Variants in TRPM3 observed in about 807,000 individuals in gnomAD.
The protein encoded by TRPM3 is transient receptor potential cation channel subfamily M member 3.
In TRPM3, 77 loss-of-function variants were observed where a neutral mutation model predicts 181.2. That is an observed-to-expected ratio of 0.42 (90% CI 0.35 to 0.51). The LOEUF is 0.51. TRPM3 is among the 20% of genes least tolerant of loss of function. The probability of loss-of-function intolerance (pLI) is 0.01; values close to 1 mark genes in which losing one functional copy is unlikely to be tolerated. For synonymous variants in TRPM3, 745 were observed against 796.4 expected (o/e 0.94, Z 1.09); for missense variants, 1,759 against 2,196.7 (o/e 0.80, Z 3.98).
intron 6 of TRPM3, among the ~76,000 whole-genome samples, chr9:70,799,041 T>C (rs1362275053): frequency 2.6e-5 from 4 of 152,230 alleles, no homozygotes; most frequent in African/African-American, 9.6e-5. Flanking sequence ...CCTCATTGTT[T>C]CTCAGAATTG....
intron 1 of TRPM3, among the ~76,000 whole-genome samples, chr9:71,275,622 G>A (rs1000740230): frequency 6.6e-5 from 10 of 152,118 alleles, no homozygotes; most frequent in African/African-American, 2.4e-4. Context: ...TAATTAATTA[G>A]AGGAATAATG....
intron 1 of TRPM3, among the ~76,000 whole-genome samples, chr9:70,980,067 GCACACA>G (rs10527749): frequency 2.9e-5 from 4 of 137,976 alleles, no homozygotes; most frequent in East Asian, 2.1e-4. Context: ...GCATGTGCGT[GCACACA>G]CACACACACA....
chr9:71,268,401 A>T (rs10781007), intron 1 of TRPM3, among the ~76,000 whole-genome samples: 37,599 of 151,866 alleles, frequency 0.25, 5,119 homozygotes, highest in Middle Eastern at 0.45. Flanking sequence ...ATAATAATAA[A>T]AAACTTGTAT....
intron 22 of TRPM3, among the ~76,000 whole-genome samples, chr9:70,572,124 G>T (rs1309681583): frequency 6.6e-6 from 1 of 151,974 alleles, no homozygotes; most frequent in Non-Finnish European, 1.5e-5. Context: ...TTGTGTGTGT[G>T]TGTGTGTGTG....
At chr9:70,566,704 T>C (rs2095280234) in intron 22 of TRPM3, among the ~76,000 whole-genome samples, 1 of 152,178 alleles carries the variant, frequency 6.6e-6, no homozygotes, top group Non-Finnish European at 1.5e-5. Flanking sequence ...GGAATGGCCC[T>C]GCTGTACCTA....
intron 1 of TRPM3, among the ~76,000 whole-genome samples, chr9:71,229,957 A>G (rs895107141): frequency 6.6e-6 from 1 of 152,034 alleles, no homozygotes; most frequent in African/African-American, 2.4e-5. Context: ...GAAAGGAAAT[A>G]AAAGAGATAG....
chr9:70,841,667 C>CATATATATAT (rs2094670226), intron 5 of TRPM3, among the ~76,000 whole-genome samples: 1 of 88,620 alleles, frequency 1.1e-5, no homozygotes, highest in African/African-American at 4.4e-5. Flanking sequence ...TATATCCCAC[C>CATATATATAT]ATATATATGT....
At chr9:71,423,529 T>C (rs899695026) in intron 1 of TRPM3, among the ~76,000 whole-genome samples, 5 of 152,102 alleles carry the variant, frequency 3.3e-5, no homozygotes, top group Non-Finnish European at 7.4e-5. Context: ...CCTGGCACCA[T>C]GAAAGCAGTT....
At position 70,843,072 on chromosome 9, in the gene TRPM3, T is replaced by C; in HGVS notation, c.732A>G (p.Gly244=). 6.2e-7 allele frequency: 1 copy of C among 1,613,634 alleles called. No individual in the cohort carries two copies. The highest frequency in any genetic ancestry group is 1.1e-5 in the South Asian group (1 of 91,028). The change falls in exon 5 of 26, where the codon GGA becomes GGG. Residue 244 remains glycine (G), a synonymous_variant. Coordinates refer to ENST00000677713, the MANE Select transcript of TRPM3 (RefSeq NM_001366145.2). ...GGGCAATACCTATGGTGCATATCTTTCCTCGAGACTTAGAGGCATGATCCT... is the reference window on the plus strand; with the variant it reads ...GGGCAATACCTATGGTGCATATCTTCCCTCGAGACTTAGAGGCATGATCCT... ...ALKDHASKSR[G]KICTIGIAPW...
intron 6 of TRPM3, among the ~76,000 whole-genome samples, chr9:70,816,519 T>C (rs183492654): frequency 4.5e-4 from 68 of 152,290 alleles, no homozygotes; most frequent in African/African-American, 1.5e-3. Flanking sequence ...ACCTTTTTTT[T>C]CCAGGATAGA....
rs539143539 is a variant in TRPM3, at chr9:70,816,904, A to G, written c.973+10943T>C. On this transcript the variant is annotated intron_variant, in intron 6 of 25. Coordinates refer to ENST00000677713, the MANE Select transcript of TRPM3 (RefSeq NM_001366145.2). Reference sequence around the variant, plus strand: ...TTGTCTTAATCTGATTTCCACAGCTAGTGCAAGACTTATCACTAAGAAGCT... The same window carrying G: ...TTGTCTTAATCTGATTTCCACAGCTGGTGCAAGACTTATCACTAAGAAGCT... Among the ~76,000 whole-genome samples, 4 of 152,360 alleles carry G rather than the reference A, an allele frequency of 2.6e-5. No individual in the cohort carries two copies. In the South Asian group the frequency reaches 8.3e-4, roughly 32 times the overall value.
chr9:70,539,445 C>T (rs1356976255), intron 25 of TRPM3, among the ~76,000 whole-genome samples: 1 of 151,972 alleles, frequency 6.6e-6, no homozygotes, highest in East Asian at 1.9e-4. Flanking sequence ...CCAAAGGTCC[C>T]AGCCTGCCCT....
chr9:70,740,547 T>C (rs1049614670), intron 8 of TRPM3, among the ~76,000 whole-genome samples: 1 of 151,936 alleles, frequency 6.6e-6, no homozygotes, highest in African/African-American at 2.4e-5. Context: ...AAAGAACAAA[T>C]CTGGAGGCAT....
chr9:70,856,418 T>C (rs546257887), intron 3 of TRPM3, among the ~76,000 whole-genome samples: 232 of 152,324 alleles, frequency 1.5e-3, no homozygotes, highest in African/African-American at 5.2e-3. Flanking sequence ...TATTTTGTTT[T>C]GTGAAGTGGG....
intron 1 of TRPM3, among the ~76,000 whole-genome samples, chr9:71,332,644 C>T (rs537936209): frequency 6.6e-5 from 10 of 151,698 alleles, no homozygotes; most frequent in Non-Finnish European, 1.3e-4. Context: ...CAATTTATTC[C>T]TATATTTCAT....
intron 6 of TRPM3, among the ~76,000 whole-genome samples, chr9:70,800,052 A>G (rs10780969): frequency 0.64 from 96,864 of 152,000 alleles, 31,320 homozygotes; most frequent in East Asian, 0.71. Context: ...GCAGCATTGA[A>G]CAAAGTTGAG....
At chr9:70,541,165 C>A (rs1383966083) in intron 25 of TRPM3, among the ~76,000 whole-genome samples, 1 of 152,086 alleles carries the variant, frequency 6.6e-6, no homozygotes, top group East Asian at 1.9e-4. Context: ...AGAGAAGGTA[C>A]ATGGTGAGAG....
intron 21 of TRPM3, among the ~76,000 whole-genome samples, chr9:70,593,340 C>T (rs1304523653): frequency 1.3e-5 from 2 of 152,142 alleles, no homozygotes; most frequent in Non-Finnish European, 2.9e-5. Context: ...TTTTCATCCT[C>T]TCTCTTATTT....
At chr9:71,149,183 G>C (rs116718915) in intron 1 of TRPM3, among the ~76,000 whole-genome samples, 1 of 151,996 alleles carries the variant, frequency 6.6e-6, no homozygotes. Flanking sequence ...GAAGATCACC[G>C]TAGCCCAGGA....
Sources: gnomAD v4.1 joint callset for allele counts (sites outside exome capture counted in the v4.1 genomes callset) on GRCh38, gnomAD v4.1.1 for gene constraint, MANE v1.5 for transcripts, NCBI Gene and HGNC (gene_info 2026-07-23, HGNC 2026-07-21) for gene names.